The following LSM12 variants were observed in gnomAD, a reference collection of about 807,000 sequenced individuals.
LSM12 encodes protein LSM12.
For missense variants in LSM12, 108 were observed against 238.9 expected, an observed-to-expected ratio of 0.45 and a Z score of 3.61; for synonymous variants, 74 against 87.3, an observed-to-expected ratio of 0.85 and a Z score of 0.85.
chr17:44,061,506 T>C (rs180792363), intron 2 of LSM12, among the ~76,000 whole-genome samples: 1 of 152,164 alleles, frequency 6.6e-6, no homozygotes, highest in Non-Finnish European at 1.5e-5. Flanking sequence ...ATGAACTCAA[T>C]AGCCTTCCAA....
At chr17:44,067,563 G>C (rs2049894739), upstream of LSM12, 1 of 152,172 alleles carries the variant, frequency 6.6e-6, no homozygotes, top group African/African-American at 2.4e-5. Context: ...CTTGTCCACG[G>C]TTCCACAACT....
chr17:44,050,710 G>T (rs1235961254), intron 2 of LSM12, among the ~76,000 whole-genome samples: 2 of 151,876 alleles, frequency 1.3e-5, no homozygotes, highest in Non-Finnish European at 2.9e-5. Flanking sequence ...GAGAAGAGAT[G>T]GGGTTTCACC....
intron 2 of LSM12, among the ~76,000 whole-genome samples, chr17:44,060,522 G>C (rs571605583): frequency 6.6e-6 from 1 of 152,190 alleles, no homozygotes; most frequent in African/African-American, 2.4e-5. Context: ...CTCTGCAAAC[G>C]GAAGAATGAA....
intron 2 of LSM12, among the ~76,000 whole-genome samples, chr17:44,061,523 C>T (rs1268263228): frequency 6.6e-6 from 1 of 152,180 alleles, no homozygotes; most frequent in Non-Finnish European, 1.5e-5. Flanking sequence ...CCAAATCTGT[C>T]CCTGGCCATC....
intron 2 of LSM12, among the ~76,000 whole-genome samples, chr17:44,052,065 G>A (rs1002586745): frequency 1.3e-5 from 2 of 151,994 alleles, no homozygotes; most frequent in African/African-American, 4.8e-5. Flanking sequence ...CCAAGATCAT[G>A]CTACTGCACT....
At chr17:44,052,475 C>T (rs1030272389) in intron 2 of LSM12, among the ~76,000 whole-genome samples, 1 of 152,050 alleles carries the variant, frequency 6.6e-6, no homozygotes, top group African/African-American at 2.4e-5. Flanking sequence ...CAAAAACAAA[C>T]AGGCCGGGTG....
intron 4 of LSM12, 88 bp downstream of exon 4, chr17:44,037,324 G>A: frequency 2.1e-6 from 3 of 1,434,144 alleles, no homozygotes; most frequent in Middle Eastern, 2.6e-4. Context: ...GGCAGAGACT[G>A]TAGCACAATG....
At chr17:44,044,860 A>T (rs1019156021) in intron 2 of LSM12, among the ~76,000 whole-genome samples, 1 of 152,160 alleles carries the variant, frequency 6.6e-6, no homozygotes, top group Admixed American at 6.5e-5. Context: ...ATTTTCCCAC[A>T]TATTTTTGCA....
chr17:44,066,580 G>T lies in LSM12; in HGVS notation c.8C>A (p.Ala3Asp). 6.9e-7 allele frequency: 1 copy of T among 1,458,924 alleles called. No homozygotes were observed. The highest frequency in any genetic ancestry group is 1.3e-5 in the South Asian group (1 of 74,694). 90.4% of individuals were successfully genotyped at this position (1,458,924 alleles called of 1,614,324 possible). ...AACGCTGAAGTACTCGCCCGGAGGAGCCGCCATCTTGGGAGTGCAGCCGCG... is the reference window on the plus strand; with the variant it reads ...AACGCTGAAGTACTCGCCCGGAGGATCCGCCATCTTGGGAGTGCAGCCGCG... MA[A>D]PPGEYFSVGS... is the part of the protein sequence containing the mutation. The change falls in exon 1 of 5, where the codon GCT (alanine) becomes GAT (aspartate). Residue 3 changes from alanine to aspartate, a missense_variant. Physicochemically the swap from Ala to Asp is moderately radical, Grantham distance 126. Coordinates refer to ENST00000293406, the MANE Select transcript of LSM12 (RefSeq NM_001371445.1).
Position 44,057,064 on chromosome 17 carries a change from G to A in LSM12, c.258+6737C>T, listed in dbSNP as rs1003749561. Among the ~76,000 whole-genome samples, 8 of 151,666 alleles carry A rather than the reference G, an allele frequency of 5.3e-5. No individual in the cohort carries two copies. In the South Asian group the frequency reaches 1.7e-3, roughly 32 times the overall value. ...CCAGCTACTCGGGAGGCTGAGACAG[G>A]AGAACTGCTTTAGCACAGGAGGCGG... On this transcript the variant is annotated intron_variant, in intron 2 of 4. Coordinates refer to ENST00000293406, the MANE Select transcript of LSM12 (RefSeq NM_001371445.1).
chr17:44,057,526 C>T (rs1016601790), intron 2 of LSM12, among the ~76,000 whole-genome samples: 15 of 150,242 alleles, frequency 1.0e-4, no homozygotes, highest in Non-Finnish European at 1.9e-4. Flanking sequence ...CTTTGGGAGG[C>T]GGAGGTGGGC....
chr17:44,061,858 C>T (rs914279464), intron 2 of LSM12, among the ~76,000 whole-genome samples: 10 of 152,106 alleles, frequency 6.6e-5, no homozygotes, highest in African/African-American at 2.4e-4. Flanking sequence ...TCTGTATATT[C>T]AATAGTAAAT....
Position 44,040,260 on chromosome 17 carries a change from G to C in LSM12, c.259-4C>G, listed in dbSNP as rs776529068. ...CTGTCCGTGCTTTGCTGGCAAGCTA[G>C]GGTGGAAGAGAGGAAAGAGACTCAG... On this transcript the variant is annotated splice_polypyrimidine_tract_variant and splice_region_variant and intron_variant, in intron 2 of 4. Coordinates refer to ENST00000293406, the MANE Select transcript of LSM12 (RefSeq NM_001371445.1). 9 of 1,609,444 alleles carry C rather than the reference G, an allele frequency of 5.6e-6. No individual in the cohort carries two copies. The South Asian group carries it at 9.9e-5, about 18-fold the overall frequency.
At chr17:44,038,076 C>T (rs772273901) in intron 3 of LSM12, among the ~76,000 whole-genome samples, 3 of 152,090 alleles carry the variant, frequency 2.0e-5, no homozygotes, top group Admixed American at 6.5e-5. Context: ...AGGTCGGGCG[C>T]GGTGGCTCAC....
upstream of LSM12, chr17:44,066,678 G>A (rs902592810): frequency 3.0e-5 from 37 of 1,251,674 alleles, no homozygotes; most frequent in African/African-American, 5.4e-4. Context: ...CGGCGCGCAC[G>A]GAGCGTGCTT....
chr17:44,058,988 G>A (rs2049759084), intron 2 of LSM12, among the ~76,000 whole-genome samples: 1 of 152,112 alleles, frequency 6.6e-6, no homozygotes, highest in African/African-American at 2.4e-5. Context: ...TGGGCACAGT[G>A]CGAGACTAAC....
chr17:44,041,808 CA>C (rs1567956084), intron 2 of LSM12, among the ~76,000 whole-genome samples: 1 of 152,170 alleles, frequency 6.6e-6, no homozygotes, highest in African/African-American at 2.4e-5. Context: ...TAAGACAAAA[CA>C]AATGTGCTAG....
At chr17:44,056,645 A>T (rs947553012) in intron 2 of LSM12, among the ~76,000 whole-genome samples, 3 of 151,120 alleles carry the variant, frequency 2.0e-5, no homozygotes, top group Non-Finnish European at 2.9e-5. Flanking sequence ...GTGAGCTGAG[A>T]TTGCACCACT....
chr17:44,042,826 CA>C (rs1006940491), intron 2 of LSM12, among the ~76,000 whole-genome samples: 2 of 152,102 alleles, frequency 1.3e-5, no homozygotes, highest in Non-Finnish European at 1.5e-5. Context: ...CTGGGCCTCC[CA>C]AAGTGCTAGG....
Sources: allele counts gnomAD v4.1 joint callset (sites outside exome capture counted in the v4.1 genomes callset), GRCh38; gene constraint gnomAD v4.1.1; transcripts MANE v1.5; gene names NCBI Gene and HGNC (gene_info 2026-07-23, HGNC 2026-07-21).